NEFH: variants seen among roughly 807,000 people sequenced by gnomAD.
NEFH encodes neurofilament heavy polypeptide.
Under a neutral mutation model 56.6 loss-of-function variants are expected in NEFH, and 58 were observed. That is an observed-to-expected ratio of 1.03 (90% CI 0.83 to 1.28). The LOEUF (loss-of-function observed/expected upper bound fraction) is 1.28, where lower values mean the gene tolerates loss of function less well. Ranked by LOEUF, NEFH falls within the 50% of genes most tolerant of loss-of-function variation. NEFH has a pLI of 0.00. For missense variants in NEFH, 1,221 were observed against 1,307.6 expected (o/e 0.93, Z 1.02); for synonymous variants, 542 against 545.8 (o/e 0.99, Z 0.10).
rs746619015 is a variant in NEFH, at chr22:29,489,371, G to A, written c.1731G>A (p.Glu577=). 1 of 1,611,410 alleles carries A rather than the reference G, an allele frequency of 6.2e-7. No individual in the cohort carries two copies. The highest frequency in any genetic ancestry group is 8.5e-7 in the Non-Finnish European group (1 of 1,178,810). ...AGGAGGAAGCAAAATCTCCAGCTGA[G>A]GTCAAGTCCCCCGAGAAGGCCAAGT... ...PEKEEAKSPA[E]VKSPEKAKSP... is the part of the protein sequence containing the mutation. The change falls in exon 4 of 4, where the codon GAG becomes GAA. Residue 577 remains glutamate, a synonymous_variant. Coordinates refer to ENST00000310624, the MANE Select transcript of NEFH (RefSeq NM_021076.4).
Position 29,491,047 on chromosome 22 carries a change from CAG to C in NEFH, c.*346_*347del. On this transcript the variant is annotated 3_prime_UTR_variant, in exon 4 of 4. Coordinates refer to ENST00000310624, the MANE Select transcript of NEFH (RefSeq NM_021076.4). ...ATTTATTGCCTCTATGTGCAACTGACAGATGACCGCAATAATGAATGAGCAGT... is the reference window on the plus strand; with the variant it reads ...ATTTATTGCCTCTATGTGCAACTGACATGACCGCAATAATGAATGAGCAGT... The C allele has an allele frequency of 2.5e-6, 1 of 403,126 alleles. No homozygotes were observed. The highest frequency in any genetic ancestry group is 4.7e-6 in the Non-Finnish European group (1 of 213,696). 25.0% of individuals were successfully genotyped at this position (403,126 alleles called of 1,614,324 possible). A position where few individuals can be genotyped will look rare whatever the true frequency, so the allele number is the denominator to read the frequency against.
chr22:29,488,236 C>T (rs1458636065), intron 3 of NEFH, among the ~76,000 whole-genome samples: 5 of 151,976 alleles, frequency 3.3e-5, no homozygotes, highest in Non-Finnish European at 5.9e-5. Flanking sequence ...TGGTGGCGTG[C>T]GCCTGTACTC....
Position 29,485,780 on chromosome 22 carries a change from C to T in NEFH, c.1141C>T (p.Gln381Ter), listed in dbSNP as rs764849833. The T allele has an allele frequency of 3.2e-5, 51 of 1,614,090 alleles. No homozygotes were observed. The highest frequency in any genetic ancestry group is 4.2e-5 in the Non-Finnish European group (49 of 1,180,028). The change falls in exon 3 of 4, where the codon CAG (glutamine) becomes TAG (stop). Residue 381 changes from glutamine (Q) to a stop codon, truncating the protein, a stop_gained. Coordinates refer to ENST00000310624, the MANE Select transcript of NEFH (RefSeq NM_021076.4). LOFTEE classifies it high-confidence loss of function. Reference protein sequence around the residue: ...LRNTKWEMAAQLREYQDLLNV... With the variant: ...LRNTKWEMAA ...GAACACCAAGTGGGAGATGGCCGCC[C>T]AGCTGCGAGAATACCAGGACCTGCT...
In NEFH at chr22:29,481,152, A is replaced by T; in HGVS notation, c.883+7A>T. The T allele has an allele frequency of 7.0e-7, 1 of 1,419,124 alleles. No individual in the cohort carries two copies. Among genetic ancestry groups the T allele is most frequent in the Non-Finnish European group, 9.4e-7 (1 of 1,066,790 alleles). The allele number at this position is 1,419,124 out of a possible 1,614,324, so 87.9% of individuals were successfully genotyped here. On this transcript the variant is annotated splice_region_variant and intron_variant, in intron 1 of 3. Transcript: ENST00000310624. ...TCCGAGGAGTGGTTCCGAGGTACGC[A>T]GGCGCGCGGGTGGGGGGAGGGGCGC...
intron 2 of NEFH, among the ~76,000 whole-genome samples, chr22:29,484,186 T>C (rs905518969): frequency 2.0e-5 from 3 of 152,194 alleles, no homozygotes; most frequent in African/African-American, 7.2e-5. Flanking sequence ...AGTGTGAACT[T>C]GTGAATGAGC....
At position 29,480,220 on chromosome 22, in the gene NEFH, A is replaced by T. The variant is rs1365849518; in HGVS notation, c.-43A>T. 2.7e-6 allele frequency: 4 copies of T among 1,475,192 alleles called. No homozygotes were observed. Among genetic ancestry groups the T allele is most frequent in the African/African-American group, 1.5e-5 (1 of 67,558 alleles). 91.4% of individuals were successfully genotyped at this position (1,475,192 alleles called of 1,614,324 possible). On this transcript the variant is annotated 5_prime_UTR_variant, in exon 1 of 4. Transcript: ENST00000310624. Reference sequence around the variant, plus strand: ...AGGGCCGGCGCCCTGGTGCTGCCGCAGTGCCTCCCGCCCCGTCCCGGCCTC... The same window carrying T: ...AGGGCCGGCGCCCTGGTGCTGCCGCTGTGCCTCCCGCCCCGTCCCGGCCTC...
chr22:29,488,783 A>G, intron 3 of NEFH, 66 bp from the exon 4 acceptor site: 1 of 1,486,912 alleles, frequency 6.7e-7, no homozygotes, highest in Non-Finnish European at 9.4e-7. Flanking sequence ...AGGATAGTCT[A>G]GGAAGAACCC....
In NEFH at chr22:29,480,818, G is replaced by C; in HGVS notation, c.556G>C (p.Asp186His). 1 of 1,399,062 alleles carries C rather than the reference G, an allele frequency of 7.1e-7. No individual in the cohort carries two copies. The highest frequency in any genetic ancestry group is 1.6e-5 in the South Asian group (1 of 63,170). 86.7% of individuals were successfully genotyped at this position (1,399,062 alleles called of 1,614,324 possible). A position where few individuals can be genotyped will look rare whatever the true frequency, so the allele number is the denominator to read the frequency against. ...EDIAHVRQRL[D>H]DEARQREEAE... ...CATCGCGCACGTGCGCCAGCGCCTA[G>C]ACGACGAGGCCCGGCAGCGAGAGGA... is the stretch of plus-strand genomic sequence containing the variant. The change falls in exon 1 of 4, where the codon GAC becomes CAC. Residue 186 changes from aspartate to histidine, a missense_variant. Asp to His is a moderately conservative substitution (Grantham distance 81, BLOSUM62 -1). This residue lies in a region of NEFH where 640 missense variants were observed against 555.5 expected (regional missense o/e 1.15). Transcript: ENST00000310624.
chr22:29,485,849 T>G lies in NEFH; in HGVS notation c.1208+2T>G, dbSNP rs768916813. On this transcript the variant is annotated splice_donor_variant, in intron 3 of 3. Coordinates refer to ENST00000310624, the MANE Select transcript of NEFH (RefSeq NM_021076.4). LOFTEE classifies it high-confidence loss of function. ...GGATATAGAGATAGCCGCTTACAGG[T>G]GAGACGCACAGGGGCTGTCACATGG... 1 of 1,614,028 alleles carries G rather than the reference T, an allele frequency of 6.2e-7. No individual in the cohort carries two copies. The highest frequency in any genetic ancestry group is 1.1e-5 in the South Asian group (1 of 91,080).
In NEFH at chr22:29,490,152, C is replaced by G. The variant is rs370229372; in HGVS notation, c.2512C>G (p.Pro838Ala). The change falls in exon 4 of 4, where the codon CCC becomes GCC. Residue 838 changes from proline to alanine, a missense_variant. Coordinates refer to ENST00000310624, the MANE Select transcript of NEFH (RefSeq NM_021076.4). ...GCCCCAGGAGGTGAAAGTCAAAGAG[C>G]CCCCAAAGAAGGCAGAGGAAGAGAA... ...EKPQEVKVKE[P>A]PKKAEEEKAP... 51 of 1,613,374 alleles carry G rather than the reference C, an allele frequency of 3.2e-5. No homozygotes were observed. In the African/African-American group the frequency reaches 6.3e-4, roughly 20 times the overall value.
At position 29,489,709 on chromosome 22, in the gene NEFH, C is replaced by A; in HGVS notation, c.2069C>A (p.Ser690Tyr). ...AKSPVKAEAK[S>Y]PEKAKSPVKE... The stretch of plus-strand genomic sequence containing the variant: ...TCCCCAGTGAAGGCAGAAGCAAAGT[C>A]CCCTGAGAAGGCCAAGTCCCCAGTG... Residue 690 changes from serine to tyrosine, a missense_variant, in exon 4 of 4, where the codon TCC (serine) becomes TAC (tyrosine). Ser to Tyr is a moderately radical substitution (Grantham distance 144). Coordinates refer to ENST00000310624, the MANE Select transcript of NEFH (RefSeq NM_021076.4). 6.2e-7 allele frequency: 1 copy of A among 1,610,694 alleles called. No homozygotes were observed. The highest frequency in any genetic ancestry group is 8.5e-7 in the Non-Finnish European group (1 of 1,179,342).
rs1256908087 is a variant in NEFH, at chr22:29,480,916, G to A, written c.654G>A (p.Lys218=). 1.3e-6 allele frequency: 2 copies of A among 1,510,562 alleles called. No individual in the cohort carries two copies. The highest frequency in any genetic ancestry group is 2.1e-5 in the Admixed American group (1 of 47,636). The allele number at this position is 1,510,562 out of a possible 1,614,324, so 93.6% of individuals were successfully genotyped here. The change falls in exon 1 of 4, where the codon AAG becomes AAA. Residue 218 remains lysine, a synonymous_variant. Transcript: ENST00000310624. ...AGGCGGCGCGCGTGGACCTGCAGAA[G>A]AAGGCGCAGGCGCTGCAGGAGGAGT... ...EAEAARVDLQ[K]KAQALQEECG...
rs2146399085 is a variant in NEFH, at chr22:29,488,847, A to G, written c.1209-2A>G. ...TAATGTGTTCCGTGATCCATCCTGC[A>G]GAAAACTCCTGGAAGGTGAAGAGTG... On this transcript the variant is annotated splice_acceptor_variant, in intron 3 of 3. Coordinates refer to ENST00000310624, the MANE Select transcript of NEFH (RefSeq NM_021076.4). LOFTEE classifies it high-confidence loss of function. 1 of 1,614,238 alleles carries G rather than the reference A, an allele frequency of 6.2e-7. No individual in the cohort carries two copies. Among genetic ancestry groups the G allele is most frequent in the Non-Finnish European group, 8.5e-7 (1 of 1,180,022 alleles).
chr22:29,484,721 C>G (rs890310109), intron 2 of NEFH, among the ~76,000 whole-genome samples: 3 of 152,108 alleles, frequency 2.0e-5, no homozygotes, highest in African/African-American at 7.2e-5. Context: ...CCTAGCTACT[C>G]AGAAGGCTGA....
At chr22:29,486,996 A>G (rs1467949135) in intron 3 of NEFH, among the ~76,000 whole-genome samples, 1 of 152,092 alleles carries the variant, frequency 6.6e-6, no homozygotes, top group East Asian at 1.9e-4. Context: ...GCAAGCATTC[A>G]TTTCTTGGGG....
chr22:29,489,492 G>A lies in NEFH; in HGVS notation c.1852G>A (p.Ala618Thr), dbSNP rs372498571. The change falls in exon 4 of 4, where the codon GCC (alanine) becomes ACC (threonine). Residue 618 changes from alanine (A) to threonine (T), a missense_variant. Physicochemically the swap from Ala to Thr is moderately conservative, Grantham distance 58 (BLOSUM62 0). Transcript: ENST00000310624. ...GGAAGAAGCAAAGTCACCGGCTGAG[G>A]CCAAGTCCCCAGTGAAGGAAGAAGC... is the stretch of plus-strand genomic sequence containing the variant. ...VKEEAKSPAE[A>T]KSPVKEEAKS... 2 of 1,599,370 alleles carry A rather than the reference G, an allele frequency of 1.3e-6. No individual in the cohort carries two copies. The highest frequency in any genetic ancestry group is 1.7e-6 in the Non-Finnish European group (2 of 1,169,616).
intron 3 of NEFH, among the ~76,000 whole-genome samples, chr22:29,488,192 C>T (rs567502217): frequency 1.7e-4 from 26 of 152,216 alleles, no homozygotes; most frequent in Non-Finnish European, 2.4e-4. Flanking sequence ...GTGAAACCCC[C>T]GTCTCTACTA....
rs2063068563 is a variant in NEFH at position 29,489,804 on chromosome 22, G to T, written c.2164G>T (p.Ala722Ser). Residue 722 changes from alanine to serine, a missense_variant, in exon 4 of 4, where the codon GCC becomes TCC. This residue lies in a region of NEFH where 37 missense variants were observed against 106.4 expected (regional missense o/e 0.35). Coordinates refer to ENST00000310624, the MANE Select transcript of NEFH (RefSeq NM_021076.4). The stretch of plus-strand genomic sequence containing the variant: ...GGAAGAAGCAAAGTCCCCTGAGAAG[G>T]CCAAGTCCCCAGTGAAGGAAGAAGC... ...VKEEAKSPEK[A>S]KSPVKEEAKT... 1 of 1,612,602 alleles carries T rather than the reference G, an allele frequency of 6.2e-7. No individual in the cohort carries two copies. Among genetic ancestry groups the T allele is most frequent in the Non-Finnish European group, 8.5e-7 (1 of 1,179,764 alleles).
In NEFH at chr22:29,489,337, C is replaced by T. The variant is rs779392800; in HGVS notation, c.1697C>T (p.Ser566Phe). The change falls in exon 4 of 4, where the codon TCC (serine) becomes TTC (phenylalanine). Residue 566 changes from serine to phenylalanine, a missense_variant. By Grantham distance (155) the Ser-to-Phe change is radical (BLOSUM62 -2). Around this residue, in one of 4 missense-constraint regions of NEFH, gnomAD observed 243 missense variants for 299.1 expected, o/e 0.81. Transcript: ENST00000310624. ...EEAKSPPEAKSPEKEEAKSPA... is the reference protein window; with the variant it reads ...EEAKSPPEAKFPEKEEAKSPA... ...GCAAAGTCACCGCCTGAGGCCAAGT[C>T]CCCAGAGAAGGAGGAAGCAAAATCT... 2.5e-6 allele frequency: 4 copies of T among 1,613,254 alleles called. No homozygotes were observed. In the East Asian group the frequency reaches 8.9e-5, roughly 36 times the overall value.
Sources: gnomAD v4.1 joint callset for allele counts (sites outside exome capture counted in the v4.1 genomes callset) on GRCh38, gnomAD v4.1.1 for gene constraint, gnomAD v4.1.1 regional missense constraint, MANE v1.5 for transcripts, NCBI Gene and HGNC (gene_info 2026-07-23, HGNC 2026-07-21) for gene names.